The following TNRC6A variants were observed in gnomAD, a reference collection of about 807,000 sequenced individuals.
TNRC6A encodes the protein trinucleotide repeat containing adaptor 6A.
A neutral mutation model predicts 221.2 loss-of-function variants in TNRC6A; 44 were observed. The observed-to-expected ratio is 0.20, with a 90% CI of 0.16 to 0.26. TNRC6A has a LOEUF of 0.26. Among genes scored for constraint, TNRC6A ranks in the 10% least tolerant of loss-of-function variants. The pLI, the probability that TNRC6A is intolerant of heterozygous loss-of-function variation, is 1.00. For missense variants in TNRC6A, 2,199 were observed against 2,404.4 expected, an observed-to-expected ratio of 0.91 and a Z score of 1.79; for synonymous variants, 847 against 838.5, an observed-to-expected ratio of 1.01 and a Z score of -0.18.
rs771142952 is a variant in TNRC6A, at chr16:24,730,221, GTTTTGTTTTTGT to G, written c.6-21_6-10del. ...ATCTCGTTTTTGTGTGTGTGTTTTT[GTTTTGTTTTTGT>G]TTTTGTTTTTTTGTTTCAGAGAATT... On this transcript the variant is annotated intron_variant, in intron 1 of 24. Coordinates refer to ENST00000395799, the MANE Select transcript of TNRC6A (RefSeq NM_014494.4). The G allele has an allele frequency of 4.5e-6, 7 of 1,572,054 alleles. No individual in the cohort carries two copies. The highest frequency in any genetic ancestry group is 3.6e-5 in the Admixed American group (2 of 55,384).
chr16:24,798,601 G>A (rs1248198638), intron 11 of TNRC6A, among the ~76,000 whole-genome samples: 1 of 152,216 alleles, frequency 6.6e-6, no homozygotes, highest in Non-Finnish European at 1.5e-5. Flanking sequence ...AGTTGTTGCA[G>A]TAGCCAGTAA....
chr16:24,807,200 T>A (rs1016348906), intron 17 of TNRC6A, among the ~76,000 whole-genome samples: 4 of 152,134 alleles, frequency 2.6e-5, no homozygotes, highest in Non-Finnish European at 5.9e-5. Context: ...ATTTGGGGTT[T>A]CACCATGTTG....
chr16:24,677,528 A>G (rs1044819405), intron 2 of TNRC6A, among the ~76,000 whole-genome samples: 9 of 152,172 alleles, frequency 5.9e-5, no homozygotes, highest in African/African-American at 2.2e-4. Context: ...AACTTGAAAC[A>G]TGGGAGTTCA....
chr16:24,626,415 G>C (rs1218760794), intron 1 of TNRC6A, among the ~76,000 whole-genome samples: 2 of 152,054 alleles, frequency 1.3e-5, no homozygotes, highest in African/African-American at 4.8e-5. Flanking sequence ...ATGACTCATT[G>C]CAATGTATCT....
intron 2 of TNRC6A, among the ~76,000 whole-genome samples, chr16:24,655,943 C>T (rs1262448627): frequency 1.3e-5 from 2 of 151,528 alleles, no homozygotes; most frequent in African/African-American, 4.9e-5. Context: ...AGTTTGAGAC[C>T]AGCCTGGGCA....
At chr16:24,745,541 G>A (rs368102672) in intron 2 of TNRC6A, among the ~76,000 whole-genome samples, 9 of 152,334 alleles carry the variant, frequency 5.9e-5, no homozygotes, top group Admixed American at 2.6e-4. Flanking sequence ...GCTTCTATGT[G>A]AGGATGAGCT....
intron 2 of TNRC6A, among the ~76,000 whole-genome samples, chr16:24,717,696 C>T (rs941672264): frequency 2.6e-5 from 4 of 151,156 alleles, no homozygotes; most frequent in Admixed American, 6.6e-5. Flanking sequence ...GGGTAAGAAA[C>T]TGGAGAACAA....
At chr16:24,736,080 G>T (rs189020770) in intron 2 of TNRC6A, among the ~76,000 whole-genome samples, 3 of 152,210 alleles carry the variant, frequency 2.0e-5, no homozygotes, top group East Asian at 3.9e-4. Flanking sequence ...GAGGAGAATC[G>T]CTTGAACCTG....
intron 4 of TNRC6A, among the ~76,000 whole-genome samples, chr16:24,772,905 T>C (rs192247330): frequency 1.3e-5 from 2 of 152,342 alleles, no homozygotes; most frequent in African/African-American, 4.8e-5. Flanking sequence ...TCTGTTTAGA[T>C]TTCCTGCCTC....
chr16:24,663,979 A>C (rs1340041045), intron 2 of TNRC6A: 5 of 456,474 alleles, frequency 1.1e-5, no homozygotes, highest in African/African-American at 1.0e-4. Context: ...GCAGGGTTTA[A>C]CCATCCCAAG....
At chr16:24,687,800 G>C (rs72768627) in intron 2 of TNRC6A, among the ~76,000 whole-genome samples, 17,103 of 115,154 alleles carry the variant, frequency 0.15, 1,100 homozygotes, top group Middle Eastern at 0.24. Context: ...GAAGGAGAAG[G>C]AGAAGGAGAG....
intron 2 of TNRC6A, chr16:24,670,842 G>A (rs1164472522): frequency 9.3e-6 from 2 of 214,370 alleles, no homozygotes. Context: ...TGGGGAACAA[G>A]TGGATCTCTC....
At chr16:24,748,461 A>C (rs1276364793) in intron 2 of TNRC6A, among the ~76,000 whole-genome samples, 1 of 152,126 alleles carries the variant, frequency 6.6e-6, no homozygotes, top group African/African-American at 2.4e-5. Context: ...AGTCATGGCC[A>C]CAGTTGGCAG....
intron 9 of TNRC6A, among the ~76,000 whole-genome samples, chr16:24,796,570 G>T (rs556094725): frequency 4.9e-4 from 74 of 152,238 alleles, no homozygotes; most frequent in Admixed American, 1.3e-3. Context: ...GAAGAACTTG[G>T]CAACTAGTTA....
intron 2 of TNRC6A, among the ~76,000 whole-genome samples, chr16:24,686,833 T>TA (rs1349539373): frequency 3.3e-5 from 5 of 152,148 alleles, no homozygotes; most frequent in African/African-American, 1.2e-4. Context: ...CTAAACCCCC[T>TA]GGCCTTAGAT....
Position 24,791,416 on chromosome 16 carries a change from C to G in TNRC6A, c.2774C>G (p.Pro925Arg). 6.4e-7 allele frequency: 1 copy of G among 1,554,106 alleles called. No individual in the cohort carries two copies. The highest frequency in any genetic ancestry group is 8.7e-7 in the Non-Finnish European group (1 of 1,152,690). Residue 925 changes from proline (P) to arginine (R), a missense_variant, in exon 6 of 25, where the codon CCT becomes CGT. Transcript: ENST00000395799. The stretch of plus-strand genomic sequence containing the variant: ...ACTCCTTCCCAGGGATGGGGAGACC[C>G]TCCAAAGTCTAATCAGTCTCTAGGT... Reference protein sequence around the residue: ...KPTPSQGWGDPPKSNQSLGWG... With the variant: ...KPTPSQGWGDRPKSNQSLGWG...
chr16:24,702,424 C>T (rs970620228), intron 2 of TNRC6A, among the ~76,000 whole-genome samples: 1 of 151,996 alleles, frequency 6.6e-6, no homozygotes, highest in Non-Finnish European at 1.5e-5. Flanking sequence ...ACAAGCCACC[C>T]ACCTCAGCCT....
At position 24,791,680 on chromosome 16, in the gene TNRC6A, A is replaced by G; in HGVS notation, c.3038A>G (p.Lys1013Arg). 6.2e-7 allele frequency: 1 copy of G among 1,613,954 alleles called. No individual in the cohort carries two copies. Among genetic ancestry groups the G allele is most frequent in the Admixed American group, 1.7e-5 (1 of 59,964 alleles). ...DGTSAWGDPS[K>R]YNYKNVNMWN... is the part of the protein sequence containing the mutation. ...ACTTCAGCTTGGGGAGATCCAAGCAAATACAACTACAAAAATGTGAACATG... is the reference window on the plus strand; with the variant it reads ...ACTTCAGCTTGGGGAGATCCAAGCAGATACAACTACAAAAATGTGAACATG... Residue 1013 changes from lysine to arginine, a missense_variant, in exon 6 of 25, where the codon AAA (lysine) becomes AGA (arginine). Physicochemically the swap from Lys to Arg is conservative, Grantham distance 26. This residue lies in a region of TNRC6A where 1,405 missense variants were observed against 1,400.2 expected (regional missense o/e 1.00). Transcript: ENST00000395799.
intron 2 of TNRC6A, among the ~76,000 whole-genome samples, chr16:24,689,839 C>T (rs1180471217): frequency 3.3e-5 from 5 of 151,814 alleles, no homozygotes; most frequent in African/African-American, 1.2e-4. Flanking sequence ...AAGCCTCGAA[C>T]CCCTGGGCTC....
Sources: gnomAD v4.1 joint callset for allele counts (sites outside exome capture counted in the v4.1 genomes callset) on GRCh38, gnomAD v4.1.1 for gene constraint, gnomAD v4.1.1 regional missense constraint, MANE v1.5 for transcripts, NCBI Gene and HGNC (gene_info 2026-07-23, HGNC 2026-07-21) for gene names.